PCDH9: variants seen among roughly 807,000 people sequenced by gnomAD.
PCDH9 encodes the protein protocadherin-9.
Under a neutral mutation model 70.6 loss-of-function variants are expected in PCDH9, and 24 were observed. The ratio of observed to expected loss-of-function variants is 0.34; its 90% CI spans 0.25 to 0.48. The LOEUF (loss-of-function observed/expected upper bound fraction) is 0.48. Ranked by LOEUF, PCDH9 falls within the 20% of genes least tolerant of loss-of-function variation. The pLI, the probability that PCDH9 is intolerant of heterozygous loss-of-function variation, is 0.99. For synonymous variants in PCDH9, 562 were observed against 558.5 expected (o/e 1.01, Z -0.09); for missense variants, 1,281 against 1,503.6 (o/e 0.85, Z 2.45).
intron 3 of PCDH9, among the ~76,000 whole-genome samples, chr13:66,667,879 TG>T (rs1470128089): frequency 4.6e-5 from 7 of 152,136 alleles, no homozygotes; most frequent in Admixed American, 4.6e-4. Flanking sequence ...AACTAAGTAG[TG>T]GGGAAAAAAC....
At chr13:66,993,760 C>A (rs116755143) in intron 2 of PCDH9, among the ~76,000 whole-genome samples, 2 of 152,060 alleles carry the variant, frequency 1.3e-5, no homozygotes, top group Admixed American at 6.6e-5. Flanking sequence ...TATAATCACA[C>A]GAAAAATATT....
chr13:67,123,088 T>G (rs1019209346), intron 2 of PCDH9, among the ~76,000 whole-genome samples: 5 of 152,116 alleles, frequency 3.3e-5, no homozygotes, highest in African/African-American at 1.2e-4. Context: ...TTAAATTTGC[T>G]CAGTTCTTCC....
chr13:67,011,387 A>T (rs2084449353), intron 2 of PCDH9, among the ~76,000 whole-genome samples: 1 of 151,976 alleles, frequency 6.6e-6, no homozygotes, highest in Admixed American at 6.6e-5. Flanking sequence ...AAGATGAACT[A>T]AAATAATTAC....
At chr13:66,384,390 T>C (rs1956894338) in intron 4 of PCDH9, among the ~76,000 whole-genome samples, 3 of 152,160 alleles carry the variant, frequency 2.0e-5, no homozygotes, top group African/African-American at 4.8e-5. Flanking sequence ...TTAAACTGTT[T>C]TTGTTGTTCT....
chr13:66,304,336 C>A lies in PCDH9; in HGVS notation c.*319G>T. 2 of 143,958 alleles carry A rather than the reference C, an allele frequency of 1.4e-5. No homozygotes were observed. The highest frequency in any genetic ancestry group is 2.8e-5 in the Non-Finnish European group (2 of 71,412). 8.9% of individuals were successfully genotyped at this position (143,958 alleles called of 1,614,324 possible). On this transcript the variant is annotated 3_prime_UTR_variant, in exon 5 of 5. Coordinates refer to ENST00000377865, the MANE Select transcript of PCDH9 (RefSeq NM_203487.3). ...TTTTCAGTCACTCTAATCCATGAAA[C>A]TTTCTTACTTTCCAAATGCATATTC...
chr13:66,876,408 C>G (rs950043267), intron 3 of PCDH9, among the ~76,000 whole-genome samples: 1 of 151,800 alleles, frequency 6.6e-6, no homozygotes, highest in African/African-American at 2.4e-5. Flanking sequence ...AAAAAAAATA[C>G]AAAACATCAT....
chr13:66,729,766 G>T (rs1173323957), intron 3 of PCDH9, among the ~76,000 whole-genome samples: 1 of 152,104 alleles, frequency 6.6e-6, no homozygotes, highest in Admixed American at 6.6e-5. Flanking sequence ...GGTTAACTCA[G>T]AAATAGCTCC....
intron 4 of PCDH9, among the ~76,000 whole-genome samples, chr13:66,522,475 A>T (rs1312362273): frequency 6.6e-6 from 1 of 152,148 alleles, no homozygotes; most frequent in South Asian, 2.1e-4. Flanking sequence ...CAACTGTCAC[A>T]TAGCTTATGC....
intron 4 of PCDH9, among the ~76,000 whole-genome samples, chr13:66,509,629 G>C (rs942669032): frequency 1.6e-4 from 24 of 151,506 alleles, no homozygotes; most frequent in East Asian, 3.9e-4. Context: ...TCTTCTTCTT[G>C]TTTGGTAGAG....
intron 3 of PCDH9, among the ~76,000 whole-genome samples, chr13:66,885,410 A>G (rs1420316120): frequency 6.6e-6 from 1 of 152,204 alleles, no homozygotes; most frequent in Non-Finnish European, 1.5e-5. Context: ...GTAGATAAGC[A>G]ATATGCTAGT....
intron 4 of PCDH9, among the ~76,000 whole-genome samples, chr13:66,488,526 C>A (rs941662831): frequency 1.3e-5 from 2 of 151,820 alleles, no homozygotes; most frequent in African/African-American, 4.8e-5. Context: ...AATTATGTGG[C>A]ACAAGTATAA....
At chr13:66,818,738 C>A (rs1031085192) in intron 3 of PCDH9, among the ~76,000 whole-genome samples, 1 of 152,006 alleles carries the variant, frequency 6.6e-6, no homozygotes, top group Non-Finnish European at 1.5e-5. Flanking sequence ...CGAGACCATC[C>A]TGGCTAACAC....
chr13:66,800,187 C>CTT (rs1371520071), intron 3 of PCDH9, among the ~76,000 whole-genome samples: 1 of 152,100 alleles, frequency 6.6e-6, no homozygotes, highest in East Asian at 1.9e-4. Flanking sequence ...ATAACTCTCT[C>CTT]AGTTCCACCC....
At chr13:66,608,174 G>A (rs946746965) in intron 4 of PCDH9, among the ~76,000 whole-genome samples, 6 of 150,932 alleles carry the variant, frequency 4.0e-5, no homozygotes, top group African/African-American at 1.2e-4. Context: ...GTGTGTGTGT[G>A]TATATATAGG....
At chr13:66,891,734 G>A (rs963795937) in intron 3 of PCDH9, among the ~76,000 whole-genome samples, 1 of 151,746 alleles carries the variant, frequency 6.6e-6, no homozygotes, top group African/African-American at 2.4e-5. Context: ...TTCTGAATGT[G>A]GATTAAATTC....
chr13:67,184,593 T>G (rs768522304), intron 2 of PCDH9, among the ~76,000 whole-genome samples: 21 of 152,034 alleles, frequency 1.4e-4, no homozygotes, highest in Non-Finnish European at 2.4e-4. Flanking sequence ...TAGCGGAGCT[T>G]AGAGGCACAC....
At chr13:66,510,564 G>A (rs571662256) in intron 4 of PCDH9, among the ~76,000 whole-genome samples, 12 of 152,000 alleles carry the variant, frequency 7.9e-5, no homozygotes, top group African/African-American at 2.7e-4. Flanking sequence ...CCTGTGTCCA[G>A]GTGTTCTCAT....
At chr13:66,413,057 G>A (rs1467137142) in intron 4 of PCDH9, among the ~76,000 whole-genome samples, 1 of 152,074 alleles carries the variant, frequency 6.6e-6, no homozygotes, top group Non-Finnish European at 1.5e-5. Context: ...ACATTGTTCT[G>A]CTCGTTGACA....
chr13:67,094,409 G>A (rs1430005033), intron 2 of PCDH9, among the ~76,000 whole-genome samples: 1 of 152,096 alleles, frequency 6.6e-6, no homozygotes, highest in African/African-American at 2.4e-5. Context: ...AATAGTCATA[G>A]GTTAAAAAGG....
Sources: gnomAD v4.1 joint callset for allele counts (sites outside exome capture counted in the v4.1 genomes callset) on GRCh38, gnomAD v4.1.1 for gene constraint, MANE v1.5 for transcripts, NCBI Gene and HGNC (gene_info 2026-07-23, HGNC 2026-07-21) for gene names.